Variants in EWSR1 observed in about 807,000 individuals in gnomAD.
EWSR1 encodes EWS RNA binding protein 1, also known as RNA-binding protein EWS.
Under a neutral mutation model 92.1 loss-of-function variants are expected in EWSR1, and 14 were observed. The observed-to-expected ratio is 0.15, with a 90% CI of 0.10 to 0.24. The LOEUF is 0.24. Ranked by LOEUF, EWSR1 falls within the 10% of genes least tolerant of loss-of-function variation. EWSR1 has a pLI of 1.00. For missense variants in EWSR1, 637 were observed against 870.9 expected (o/e 0.73, Z 3.38); for synonymous variants, 303 against 292.9 (o/e 1.03, Z -0.35).
chr22:29,283,454 TTC>T (rs1228121078), intron 6 of EWSR1, among the ~76,000 whole-genome samples: 12 of 146,600 alleles, frequency 8.2e-5, no homozygotes, highest in African/African-American at 3.0e-4. Flanking sequence ...CTCCTAGGGA[TTC>T]TCATGCCTCA....
intron 4 of EWSR1, chr22:29,276,966 GGAA>G (rs2059169836): frequency 1.3e-5 from 3 of 231,014 alleles, no homozygotes; most frequent in South Asian, 3.6e-4. Context: ...TTGACCATGA[GGAA>G]GAAGAGTCCA....
At chr22:29,274,367 T>C (rs1228904349) in intron 4 of EWSR1, 6 of 1,504,854 alleles carry the variant, frequency 4.0e-6, no homozygotes, top group African/African-American at 2.8e-5. Context: ...GTGTTTTCAT[T>C]TGTTGAACCC....
intron 5 of EWSR1, among the ~76,000 whole-genome samples, chr22:29,280,321 G>A (rs527362402): frequency 6.6e-6 from 1 of 152,292 alleles, no homozygotes; most frequent in South Asian, 2.1e-4. Context: ...GCCTGCCTTG[G>A]CCTCCCAAAG....
intron 5 of EWSR1, among the ~76,000 whole-genome samples, chr22:29,280,862 GTTTTT>G (rs71196650): frequency 0.029 from 1,855 of 62,886 alleles, 208 homozygotes; most frequent in African/African-American, 0.058. Flanking sequence ...TGTGTGTGTT[GTTTTT>G]TTTTTTTTTT....
chr22:29,298,742 G>C lies in EWSR1; in HGVS notation c.1427G>C (p.Gly476Ala). ...MPPPLRGGPG[G>A]PGGPGGPMGR... Reference sequence around the variant, plus strand: ...GTTGTTCTTGTTGTAGGTCCAGGAGGCCCAGGAGGTCCTGGGGGACCCATG... The same window carrying C: ...GTTGTTCTTGTTGTAGGTCCAGGAGCCCCAGGAGGTCCTGGGGGACCCATG... Residue 476 changes from glycine (G) to alanine (A), a missense_variant, in exon 14 of 17, where the codon GGC becomes GCC. By Grantham distance (60) the Gly-to-Ala change is moderately conservative. Around this residue, in one of 5 missense-constraint regions of EWSR1, gnomAD observed 363 missense variants for 447.8 expected, o/e 0.81. Coordinates refer to ENST00000397938, the MANE Select transcript of EWSR1 (RefSeq NM_005243.4). The C allele has an allele frequency of 1.2e-6, 2 of 1,613,250 alleles. No homozygotes were observed. The highest frequency in any genetic ancestry group is 1.7e-6 in the Non-Finnish European group (2 of 1,179,824).
At chr22:29,271,288 A>G (rs759953752) in intron 1 of EWSR1, among the ~76,000 whole-genome samples, 1 of 152,214 alleles carries the variant, frequency 6.6e-6, no homozygotes, top group Non-Finnish European at 1.5e-5. Flanking sequence ...AAAAAAAACT[A>G]AATTTATCTA....
At chr22:29,278,257 A>G (rs961214884) in intron 5 of EWSR1, 41 bp downstream of exon 5, 8 of 1,580,110 alleles carry the variant, frequency 5.1e-6, no homozygotes, top group Non-Finnish European at 6.9e-6. Context: ...CTTATGTTGG[A>G]GGGAAAGAAA....
At chr22:29,299,435 G>A in intron 15 of EWSR1, 104 bp downstream of exon 15, 2 of 1,504,572 alleles carry the variant, frequency 1.3e-6, no homozygotes, top group Non-Finnish European at 1.8e-6. Context: ...TAACAACTTT[G>A]AGTTGTCGTG....
intron 1 of EWSR1, among the ~76,000 whole-genome samples, chr22:29,271,482 A>G (rs1386812502): frequency 6.6e-6 from 1 of 152,194 alleles, no homozygotes; most frequent in African/African-American, 2.4e-5. Flanking sequence ...AGTTGAAATC[A>G]TTTTGAGTTG....
chr22:29,298,038 TA>T, intron 13 of EWSR1, 89 bp downstream of exon 13: 1 of 1,406,172 alleles, frequency 7.1e-7, no homozygotes, highest in Non-Finnish European at 9.7e-7. Context: ...TGAAGAAATA[TA>T]AAATTGTGTG....
rs573553780 is a variant in EWSR1, at chr22:29,299,524, G to C, written c.1679-75G>C. On this transcript the variant is annotated intron_variant, in intron 15 of 16. Coordinates refer to ENST00000397938, the MANE Select transcript of EWSR1 (RefSeq NM_005243.4). The stretch of plus-strand genomic sequence containing the variant: ...TGTTCTGCTGTGAGAGAAGGAAGCA[G>C]AGCAGCTTCCACAGTGTCCACAGGG... 8.9e-5 allele frequency: 134 copies of C among 1,513,722 alleles called. 4 individuals carry two copies. In the South Asian group the frequency reaches 1.8e-3, roughly 20 times the overall value. 93.8% of individuals were successfully genotyped at this position (1,513,722 alleles called of 1,614,324 possible).
intron 11 of EWSR1, chr22:29,295,631 T>C (rs2060798593): frequency 4.5e-6 from 1 of 224,612 alleles, no homozygotes; most frequent in African/African-American, 2.2e-5. Flanking sequence ...TGTTACTGGA[T>C]ATATGTAAAC....
chr22:29,274,001 ATTTTT>A, intron 4 of EWSR1, 137 bp downstream of exon 4: 1 of 1,183,904 alleles, frequency 8.4e-7, no homozygotes, highest in Non-Finnish European at 1.2e-6. Flanking sequence ...AGGAAGAGGT[ATTTTT>A]TCTCTTTCTT....
At chr22:29,270,270 A>G (rs539020283) in intron 1 of EWSR1, among the ~76,000 whole-genome samples, 2 of 152,294 alleles carry the variant, frequency 1.3e-5, no homozygotes, top group African/African-American at 4.8e-5. Flanking sequence ...AAGCATATAT[A>G]TCCAGTGCAA....
At chr22:29,291,789 T>TG in intron 9 of EWSR1, 190 bp downstream of exon 9, 1 of 602,958 alleles carries the variant, frequency 1.7e-6, no homozygotes, top group South Asian at 2.4e-5. Context: ...AAGGGTAACT[T>TG]GAAGTATTGA....
At chr22:29,273,995 A>G (rs2058901706) in intron 4 of EWSR1, 131 bp downstream of exon 4, 5 of 1,231,982 alleles carry the variant, frequency 4.1e-6, no homozygotes, top group South Asian at 3.0e-5. Context: ...ATTCTTAGGA[A>G]GAGGTATTTT....
At position 29,268,319 on chromosome 22, in the gene EWSR1, G is replaced by T. The variant is rs377068270; in HGVS notation, c.-18G>T. On this transcript the variant is annotated 5_prime_UTR_variant, in exon 1 of 17. Coordinates refer to ENST00000397938, the MANE Select transcript of EWSR1 (RefSeq NM_005243.4). ...AGAGGGAGACGGACGTTGAGAGAAC[G>T]AGGAGGAAGGAGAGAAAATGGCGTC... The T allele has an allele frequency of 6.2e-6, 10 of 1,613,878 alleles. No homozygotes were observed. The East Asian group carries it at 1.3e-4, about 22-fold the overall frequency.
chr22:29,292,338 A>AGT, intron 10 of EWSR1, 150 bp from the exon 11 acceptor site: 1 of 936,908 alleles, frequency 1.1e-6, no homozygotes, highest in Non-Finnish European at 1.7e-6. Flanking sequence ...CCTTAAGTGA[A>AGT]GTAAACCAAA....
chr22:29,274,476 AG>A (rs2058946415), intron 4 of EWSR1: 3 of 550,902 alleles, frequency 5.4e-6, no homozygotes, highest in Non-Finnish European at 9.8e-6. Flanking sequence ...ATTTTGGGAA[AG>A]GTTTTTTTAT....
Sources: gnomAD v4.1 joint callset for allele counts (sites outside exome capture counted in the v4.1 genomes callset) on GRCh38, gnomAD v4.1.1 for gene constraint, gnomAD v4.1.1 regional missense constraint, MANE v1.5 for transcripts, NCBI Gene and HGNC (gene_info 2026-07-23, HGNC 2026-07-21) for gene names.